The following MACROD2 variants were observed in gnomAD, a reference collection of about 807,000 sequenced individuals.
MACROD2 encodes the protein mono-ADP ribosylhydrolase 2.
In MACROD2, 36 loss-of-function variants were observed where a neutral mutation model predicts 70.4. That is an observed-to-expected ratio of 0.51 (90% CI 0.39 to 0.68). The LOEUF (loss-of-function observed/expected upper bound fraction) is 0.68. Among genes scored for constraint, MACROD2 ranks in the 30% least tolerant of loss-of-function variants. The pLI, the probability that MACROD2 is intolerant of heterozygous loss-of-function variation, is 0.00. For synonymous variants in MACROD2, 172 were observed against 178.8 expected (o/e 0.96, Z 0.30); for missense variants, 496 against 538.4 (o/e 0.92, Z 0.78).
At chr20:15,227,066 C>G (rs1413922356) in intron 5 of MACROD2, among the ~76,000 whole-genome samples, 4 of 152,058 alleles carry the variant, frequency 2.6e-5, no homozygotes, top group East Asian at 1.9e-4. Flanking sequence ...GAGAGGTCAT[C>G]ATGTTGGTCG....
At chr20:15,711,215 G>C (rs1338963015) in intron 8 of MACROD2, among the ~76,000 whole-genome samples, 1 of 152,094 alleles carries the variant, frequency 6.6e-6, no homozygotes, top group African/African-American at 2.4e-5. Context: ...TTTTCTCATT[G>C]ATCTTTCGCT....
intron 5 of MACROD2, among the ~76,000 whole-genome samples, chr20:15,144,633 A>G (rs938088116): frequency 6.6e-6 from 1 of 152,186 alleles, no homozygotes; most frequent in Non-Finnish European, 1.5e-5. Context: ...AGCATAATTC[A>G]ACTTTGCACT....
intron 8 of MACROD2, among the ~76,000 whole-genome samples, chr20:15,713,987 G>GCACACACGCACACACACACACACACA: frequency 8.5e-6 from 1 of 117,788 alleles, no homozygotes; most frequent in African/African-American, 2.8e-5. Context: ...ACACACATAT[G>GCACACACGCACACACACACACACACA]CACACACACA....
At chr20:14,186,457 A>G (rs2148734963) in intron 3 of MACROD2, among the ~76,000 whole-genome samples, 1 of 152,290 alleles carries the variant, frequency 6.6e-6, no homozygotes, top group Non-Finnish European at 1.5e-5. Context: ...AAAAACAGAT[A>G]TTGGCAAAAA....
chr20:16,027,141 T>C (rs1389624563), intron 15 of MACROD2, among the ~76,000 whole-genome samples: 1 of 152,204 alleles, frequency 6.6e-6, no homozygotes, highest in African/African-American at 2.4e-5. Flanking sequence ...ATTCTATCAT[T>C]TTTCTCTGAA....
At chr20:15,316,645 G>T (rs917190711) in intron 6 of MACROD2, among the ~76,000 whole-genome samples, 8 of 152,022 alleles carry the variant, frequency 5.3e-5, no homozygotes, top group African/African-American at 1.9e-4. Context: ...ACACTGAAAT[G>T]GAGACCAAGA....
At chr20:14,285,826 G>A (rs1484334288) in intron 3 of MACROD2, among the ~76,000 whole-genome samples, 2 of 152,206 alleles carry the variant, frequency 1.3e-5, no homozygotes, top group Non-Finnish European at 2.9e-5. Flanking sequence ...AACTACCAGT[G>A]ATAGTTGTTG....
At chr20:15,516,455 GAAAGCTTAC>G (rs1157010531) in intron 8 of MACROD2, among the ~76,000 whole-genome samples, 2 of 152,130 alleles carry the variant, frequency 1.3e-5, no homozygotes, top group African/African-American at 4.8e-5. Flanking sequence ...CCTGTCCTAA[GAAAGCTTAC>G]GGTCTGTTGG....
chr20:15,543,067 C>T (rs2047979454), intron 8 of MACROD2, among the ~76,000 whole-genome samples: 1 of 152,158 alleles, frequency 6.6e-6, no homozygotes. Context: ...TTTTTAATCT[C>T]TTGAGAACTG....
chr20:15,837,825 C>T (rs1481999247), intron 8 of MACROD2, among the ~76,000 whole-genome samples: 1 of 152,146 alleles, frequency 6.6e-6, no homozygotes, highest in African/African-American at 2.4e-5. Flanking sequence ...GTTGTTGGTC[C>T]TAACCTCCTG....
intron 5 of MACROD2, among the ~76,000 whole-genome samples, chr20:15,026,236 T>A (rs1289630540): frequency 6.6e-6 from 1 of 152,166 alleles, no homozygotes; most frequent in Non-Finnish European, 1.5e-5. Flanking sequence ...TTACCATTGT[T>A]TAAGGTTAAA....
chr20:14,249,634 C>T (rs1422760822), intron 3 of MACROD2, among the ~76,000 whole-genome samples: 1 of 152,000 alleles, frequency 6.6e-6, no homozygotes, highest in East Asian at 1.9e-4. Context: ...ATGAGATCTG[C>T]CATCAAGATC....
At chr20:15,842,745 G>GATAGATAA (rs1555786005) in intron 8 of MACROD2, among the ~76,000 whole-genome samples, 1 of 36,996 alleles carries the variant, frequency 2.7e-5, no homozygotes, top group Non-Finnish European at 4.7e-5. Context: ...TAGATAGATA[G>GATAGATAA]AGAAATAGAC....
chr20:15,823,319 TG>T (rs2063961592), intron 8 of MACROD2, among the ~76,000 whole-genome samples: 1 of 151,686 alleles, frequency 6.6e-6, no homozygotes, highest in Non-Finnish European at 1.5e-5. Flanking sequence ...TGTGTGTGTG[TG>T]TCTATAGCTG....
chr20:14,663,259 T>C (rs899065462), intron 4 of MACROD2, among the ~76,000 whole-genome samples: 1 of 151,902 alleles, frequency 6.6e-6, no homozygotes, highest in African/African-American at 2.4e-5. Context: ...AGGTTCTGAC[T>C]TCTAAGTGGG....
chr20:14,479,026 A>C (rs2084630859), intron 3 of MACROD2, among the ~76,000 whole-genome samples: 1 of 151,756 alleles, frequency 6.6e-6, no homozygotes, highest in South Asian at 2.1e-4. Flanking sequence ...TGTGGTGGAG[A>C]TTCCCCTCCA....
chr20:15,047,893 G>T (rs576335089), intron 5 of MACROD2, among the ~76,000 whole-genome samples: 216 of 152,216 alleles, frequency 1.4e-3, no homozygotes, highest in African/African-American at 4.9e-3. Context: ...TGTCAGCCTG[G>T]GACCCACAGT....
intron 6 of MACROD2, among the ~76,000 whole-genome samples, chr20:15,252,602 AAG>A (rs1224461671): frequency 6.6e-6 from 1 of 152,208 alleles, no homozygotes; most frequent in African/African-American, 2.4e-5. Flanking sequence ...CAGGGAGACA[AAG>A]AGGGATAATC....
At chr20:14,591,720 G>A (rs909080129) in intron 4 of MACROD2, among the ~76,000 whole-genome samples, 2 of 152,176 alleles carry the variant, frequency 1.3e-5, no homozygotes, top group African/African-American at 4.8e-5. Context: ...TATAAGACAG[G>A]TTCTGCAGAG....
Sources: allele counts gnomAD v4.1 joint callset (sites outside exome capture counted in the v4.1 genomes callset), GRCh38; gene constraint gnomAD v4.1.1; transcripts MANE v1.5; gene names NCBI Gene and HGNC (gene_info 2026-07-23, HGNC 2026-07-21).